The following CMSS1 variants were observed in gnomAD, a reference collection of about 807,000 sequenced individuals.
The protein encoded by CMSS1 is protein CMSS1.
CMSS1 carries 33 observed loss-of-function variants against 43.5 expected under a neutral mutation model. The ratio of observed to expected loss-of-function variants is 0.76; its 90% CI spans 0.57 to 1.01. The LOEUF is 1.01. Ranked by LOEUF, CMSS1 falls within the 50% of genes least tolerant of loss-of-function variation. The probability of loss-of-function intolerance (pLI) is 0.00; values close to 1 mark genes in which losing one functional copy is unlikely to be tolerated. For missense variants in CMSS1, 313 were observed against 326.4 expected (o/e 0.96, Z 0.32); for synonymous variants, 115 against 117.2 (o/e 0.98, Z 0.12).
rs2067177569 is a variant in CMSS1 at position 100,180,431 on chromosome 3, A to C, written c.*2043A>C. 1 of 152,250 alleles carries C rather than the reference A, an allele frequency of 6.6e-6. No homozygotes were observed. The highest frequency in any genetic ancestry group is 2.4e-5 in the African/African-American group (1 of 41,466). 9.4% of individuals were successfully genotyped at this position (152,250 alleles called of 1,614,324 possible). A position where few individuals can be genotyped will look rare whatever the true frequency, so the allele number is the denominator to read the frequency against. ...TGAGCATAGGCTTTTAGAAGCAACCAGGCCACCTCTTGAACACTTTGCTGC... is the reference window on the plus strand; with the variant it reads ...TGAGCATAGGCTTTTAGAAGCAACCCGGCCACCTCTTGAACACTTTGCTGC... On this transcript the variant is annotated 3_prime_UTR_variant, in exon 10 of 10. Coordinates refer to ENST00000421999, the MANE Select transcript of CMSS1 (RefSeq NM_032359.4).
At chr3:100,144,497 G>A (rs2066831216) in intron 1 of CMSS1, among the ~76,000 whole-genome samples, 1 of 152,130 alleles carries the variant, frequency 6.6e-6, no homozygotes. Flanking sequence ...ACCCTCTGGG[G>A]ATAAAAATCC....
chr3:99,818,928 T>A (rs2107471909), intron 1 of CMSS1, among the ~76,000 whole-genome samples: 1 of 152,334 alleles, frequency 6.6e-6, no homozygotes, highest in African/African-American at 2.4e-5. Context: ...ACCATGCAAT[T>A]ATTGGTTGGT....
intron 1 of CMSS1, among the ~76,000 whole-genome samples, chr3:99,942,040 C>T (rs555422964): frequency 9.2e-5 from 14 of 152,196 alleles, no homozygotes; most frequent in African/African-American, 3.1e-4. Flanking sequence ...CACGGTGAAA[C>T]TGTATCTCTA....
intron 1 of CMSS1, among the ~76,000 whole-genome samples, chr3:99,847,588 C>T (rs763557477): frequency 2.2e-4 from 34 of 152,210 alleles, no homozygotes; most frequent in Admixed American, 7.9e-4. Flanking sequence ...CAAAATTATT[C>T]GGTAGTATTT....
intron 1 of CMSS1, chr3:99,849,344 T>C (rs781564086): frequency 2.5e-6 from 4 of 1,614,144 alleles, no homozygotes; most frequent in Non-Finnish European, 3.4e-6. Flanking sequence ...AGGCTCTTAC[T>C]GAAATGCCGG....
intron 1 of CMSS1, among the ~76,000 whole-genome samples, chr3:99,880,645 T>C (rs1021646237): frequency 1.3e-5 from 2 of 152,170 alleles, no homozygotes; most frequent in African/African-American, 4.8e-5. Context: ...TATTTTGTGG[T>C]TTTAAAATTA....
intron 1 of CMSS1, among the ~76,000 whole-genome samples, chr3:99,990,264 T>C (rs568744851): frequency 8.5e-5 from 13 of 152,220 alleles, no homozygotes; most frequent in Non-Finnish European, 1.6e-4. Flanking sequence ...CAGAAAGAGA[T>C]AGACATTCTG....
intron 5 of CMSS1, 75 bp downstream of exon 5, chr3:100,166,469 C>T: frequency 9.7e-7 from 1 of 1,025,706 alleles, no homozygotes; most frequent in South Asian, 1.3e-5. Flanking sequence ...AGGTTTTGGT[C>T]TCGTTTTTGT....
At chr3:100,058,064 A>C (rs2065496000) in intron 1 of CMSS1, among the ~76,000 whole-genome samples, 1 of 152,218 alleles carries the variant, frequency 6.6e-6, no homozygotes, top group African/African-American at 2.4e-5. Context: ...GGCAATATGC[A>C]CAATTTTTTA....
intron 1 of CMSS1, among the ~76,000 whole-genome samples, chr3:100,095,995 C>T (rs2066199591): frequency 6.6e-6 from 1 of 152,056 alleles, no homozygotes; most frequent in African/African-American, 2.4e-5. Flanking sequence ...CGAAGACATA[C>T]AGATGACAAA....
chr3:99,987,777 C>G (rs1004634712), intron 1 of CMSS1, among the ~76,000 whole-genome samples: 2 of 152,116 alleles, frequency 1.3e-5, no homozygotes, highest in Middle Eastern at 3.2e-3. Context: ...AAATTGCATG[C>G]ATATGTCCAA....
intron 1 of CMSS1, among the ~76,000 whole-genome samples, chr3:100,099,860 A>T: frequency 6.6e-6 from 1 of 152,198 alleles, no homozygotes; most frequent in East Asian, 1.9e-4. Context: ...AGAACATTCC[A>T]GGTGTGGTTA....
intron 1 of CMSS1, among the ~76,000 whole-genome samples, chr3:99,973,131 A>G (rs1346070551): frequency 4.6e-5 from 7 of 152,222 alleles, no homozygotes; most frequent in African/African-American, 1.4e-4. Context: ...CCTGAATAAT[A>G]AAAGCCAAGG....
intron 1 of CMSS1, among the ~76,000 whole-genome samples, chr3:100,128,205 G>C (rs939468623): frequency 8.5e-5 from 13 of 152,194 alleles, no homozygotes; most frequent in African/African-American, 3.1e-4. Context: ...TTCCTGGTCT[G>C]TGCACTGAAC....
At chr3:100,124,611 TCGCAGTCCTCAC>T (rs2066648143) in intron 1 of CMSS1, among the ~76,000 whole-genome samples, 1 of 152,240 alleles carries the variant, frequency 6.6e-6, no homozygotes, top group Admixed American at 6.5e-5. Flanking sequence ...CTCCCTGTCC[TCGCAGTCCTCAC>T]CACCCAGCAC....
At chr3:100,157,823 G>T (rs908992016) in intron 2 of CMSS1, among the ~76,000 whole-genome samples, 1 of 152,180 alleles carries the variant, frequency 6.6e-6, no homozygotes, top group African/African-American at 2.4e-5. Flanking sequence ...ATCACCTAGT[G>T]GGGGACAGGA....
At chr3:100,110,083 C>T (rs980039781) in intron 1 of CMSS1, 1 of 151,894 alleles carries the variant, frequency 6.6e-6, no homozygotes, top group Admixed American at 6.6e-5. Flanking sequence ...CCCCTGGTAG[C>T]TTTGGGAATA....
At chr3:100,102,604 A>G (rs892482336) in intron 1 of CMSS1, among the ~76,000 whole-genome samples, 1 of 152,010 alleles carries the variant, frequency 6.6e-6, no homozygotes, top group Admixed American at 6.6e-5. Flanking sequence ...CCATTACTAA[A>G]CTATTAATTC....
intron 1 of CMSS1, among the ~76,000 whole-genome samples, chr3:100,133,223 A>G (rs573168923): frequency 6.6e-6 from 1 of 152,226 alleles, no homozygotes; most frequent in African/African-American, 2.4e-5. Context: ...ATGGTTTACT[A>G]TAAAGCCACT....
Sources: gnomAD v4.1 joint callset for allele counts (sites outside exome capture counted in the v4.1 genomes callset) on GRCh38, gnomAD v4.1.1 for gene constraint, MANE v1.5 for transcripts, NCBI Gene and HGNC (gene_info 2026-07-23, HGNC 2026-07-21) for gene names.